DIAPH2: variants seen among roughly 807,000 people sequenced by gnomAD.
DIAPH2 encodes the protein protein diaphanous homolog 2.
In DIAPH2, 35 loss-of-function variants were observed where a neutral mutation model predicts 92.7. The ratio of observed to expected loss-of-function variants is 0.38; its 90% CI spans 0.29 to 0.50. The LOEUF is 0.50. Among genes scored for constraint, DIAPH2 ranks in the 20% least tolerant of loss-of-function variants. The pLI, the probability that DIAPH2 is intolerant of heterozygous loss-of-function variation, is 0.94. For missense variants in DIAPH2, 701 were observed against 819.5 expected, an observed-to-expected ratio of 0.86 and a Z score of 1.77; for synonymous variants, 301 against 280.4, an observed-to-expected ratio of 1.07 and a Z score of -0.73.
chrX:97,170,807 A>AT (rs1355723376), intron 22 of DIAPH2, among the ~76,000 whole-genome samples: 1 of 111,622 alleles, frequency 9.0e-6, no homozygotes, highest in Non-Finnish European at 1.9e-5. Context: ...ATTTTTATAA[A>AT]TTCATTTTCT....
chrX:97,182,040 G>C (rs748768569), intron 22 of DIAPH2, among the ~76,000 whole-genome samples: 72 of 111,065 alleles, frequency 6.5e-4, no homozygotes, highest in African/African-American at 2.3e-3. Flanking sequence ...AATAGATTAT[G>C]ACATACCTTG....
At chrX:97,522,399 G>A (rs777660935) in intron 26 of DIAPH2, among the ~76,000 whole-genome samples, 1 of 112,102 alleles carries the variant, frequency 8.9e-6, no homozygotes, top group South Asian at 3.8e-4. Flanking sequence ...TGCCTGCCTG[G>A]TCCTCCCACA....
chrX:97,525,380 C>A (rs1038271145), intron 26 of DIAPH2, among the ~76,000 whole-genome samples: 3 of 112,249 alleles, frequency 2.7e-5, no homozygotes, highest in Non-Finnish European at 5.6e-5. Context: ...TCCTGCTCAT[C>A]CTTTTAAAAC....
intron 22 of DIAPH2, among the ~76,000 whole-genome samples, chrX:97,186,583 A>C (rs1421195312): frequency 8.9e-6 from 1 of 112,490 alleles, no homozygotes; most frequent in Non-Finnish European, 1.9e-5. Context: ...ATGATGATTT[A>C]TAAATTTATG....
intron 26 of DIAPH2, chrX:97,555,544 G>C (rs2071251260): frequency 2.3e-6 from 1 of 430,427 alleles, no homozygotes; most frequent in African/African-American, 2.7e-5. Context: ...TAGGGTGAGT[G>C]GGAGAAAACT....
At chrX:97,067,720 A>G (rs975603636) in intron 17 of DIAPH2, among the ~76,000 whole-genome samples, 2 of 112,126 alleles carry the variant, frequency 1.8e-5, no homozygotes, top group African/African-American at 3.2e-5. Context: ...ACCATTTTCC[A>G]TAGCTTTAAT....
rs187830805 is a variant in DIAPH2 at position 97,036,964 on chromosome X, A to G, written c.2051-35977A>G. Among the ~76,000 whole-genome samples the G allele has an allele frequency of 5.5e-3, 610 of 111,477 alleles. 2 individuals are homozygous for G. Among genetic ancestry groups the G allele is most frequent in the African/African-American group, 0.019 (572 of 30,690 alleles). On this transcript the variant is annotated intron_variant, in intron 17 of 26. Coordinates refer to ENST00000324765, the MANE Select transcript of DIAPH2 (RefSeq NM_006729.5). ...TACCTAAGTCTCCTCATTTAATGCT[A>G]GCAGATTCCTTGTAAGATATAGGTA...
intron 5 of DIAPH2, chrX:96,884,621 C>A: frequency 8.3e-7 from 1 of 1,210,001 alleles, no homozygotes; most frequent in Non-Finnish European, 1.1e-6. Flanking sequence ...CCAATCGAGG[C>A]CCGACAGTGG....
intron 19 of DIAPH2, among the ~76,000 whole-genome samples, chrX:97,096,448 G>A (rs761408198): frequency 2.7e-5 from 3 of 111,390 alleles, no homozygotes; most frequent in Non-Finnish European, 5.6e-5. Context: ...AACATTAGAT[G>A]TTTCTAGAGG....
intron 26 of DIAPH2, among the ~76,000 whole-genome samples, chrX:97,594,505 C>T (rs1205562539): frequency 8.9e-6 from 1 of 112,640 alleles, no homozygotes; most frequent in Non-Finnish European, 1.9e-5. Flanking sequence ...ATGCAAATAG[C>T]TACTCTATGG....
intron 26 of DIAPH2, among the ~76,000 whole-genome samples, chrX:97,516,056 A>C (rs1287015816): frequency 9.0e-6 from 1 of 110,767 alleles, no homozygotes; most frequent in Non-Finnish European, 1.9e-5. Context: ...GTTCGAGATC[A>C]GCCTGGCCAG....
Position 97,497,807 on chromosome X carries a change from A to G in DIAPH2, c.3241+68062A>G, listed in dbSNP as rs769523996. On this transcript the variant is annotated intron_variant, in intron 26 of 26. Coordinates refer to ENST00000324765, the MANE Select transcript of DIAPH2 (RefSeq NM_006729.5). ...CATTCTCTACTCTGTCTTTTCCCCT[A>G]AGAAAGAAATTGCGGGCCAAAGTGT... Among the ~76,000 whole-genome samples the G allele has an allele frequency of 3.6e-5, 4 of 110,869 alleles. No homozygotes were observed. The South Asian group carries it at 1.6e-3, about 43-fold the overall frequency.
intron 4 of DIAPH2, among the ~76,000 whole-genome samples, chrX:96,764,781 G>A (rs41367347): frequency 5.4e-5 from 6 of 111,328 alleles, no homozygotes; most frequent in South Asian, 7.6e-4. Context: ...AGACTTATTC[G>A]GGAAGCTACC....
At chrX:97,421,123 C>G (rs1454324960) in intron 25 of DIAPH2, among the ~76,000 whole-genome samples, 1 of 111,846 alleles carries the variant, frequency 8.9e-6, no homozygotes, top group African/African-American at 3.2e-5. Flanking sequence ...TTTTTGATGA[C>G]TATTGACACA....
chrX:96,732,808 A>G (rs1173767031), intron 1 of DIAPH2, among the ~76,000 whole-genome samples: 2 of 112,354 alleles, frequency 1.8e-5, no homozygotes, highest in Admixed American at 1.9e-4. Context: ...CAGCTCTAGA[A>G]TTAGAAATGT....
intron 23 of DIAPH2, among the ~76,000 whole-genome samples, chrX:97,285,546 T>C (rs1476972274): frequency 9.0e-6 from 1 of 111,150 alleles, no homozygotes; most frequent in Non-Finnish European, 1.9e-5. Flanking sequence ...TTAACCTATA[T>C]GTAGGATGAG....
intron 26 of DIAPH2, among the ~76,000 whole-genome samples, chrX:97,518,452 C>CA (rs1484071096): frequency 9.1e-6 from 1 of 109,465 alleles, no homozygotes; most frequent in African/African-American, 3.3e-5. Context: ...AAACATGTTC[C>CA]AAAATTTTTA....
chrX:96,741,822 T>C (rs908377988), intron 3 of DIAPH2, among the ~76,000 whole-genome samples: 6 of 111,824 alleles, frequency 5.4e-5, no homozygotes, highest in Admixed American at 9.5e-5. Flanking sequence ...TTCTGTGCAG[T>C]TGATTATTCT....
chrX:97,021,461 G>A (rs909875445), intron 17 of DIAPH2, among the ~76,000 whole-genome samples: 1 of 112,055 alleles, frequency 8.9e-6, no homozygotes, highest in African/African-American at 3.2e-5. Context: ...GCTTCCCAAA[G>A]TGCTGAGATT....
Sources: gnomAD v4.1 joint callset for allele counts (sites outside exome capture counted in the v4.1 genomes callset) on GRCh38, gnomAD v4.1.1 for gene constraint, MANE v1.5 for transcripts, NCBI Gene and HGNC (gene_info 2026-07-23, HGNC 2026-07-21) for gene names.